The following GDAP1 variants were observed in gnomAD, a reference collection of about 807,000 sequenced individuals.
The protein encoded by GDAP1 is ganglioside induced differentiation associated protein 1.
In GDAP1, 34 loss-of-function variants were observed where a neutral mutation model predicts 40.1. The observed-to-expected ratio is 0.85, with a 90% CI of 0.64 to 1.13. GDAP1 has a LOEUF of 1.13. Among genes scored for constraint, GDAP1 ranks in the 50% most tolerant of loss-of-function variants. The probability of loss-of-function intolerance (pLI) is 0.00; values close to 1 mark genes in which losing one functional copy is unlikely to be tolerated. For missense variants in GDAP1, 374 were observed against 433.7 expected, an observed-to-expected ratio of 0.86 and a Z score of 1.22; for synonymous variants, 170 against 157.4, an observed-to-expected ratio of 1.08 and a Z score of -0.60.
chr8:74,360,006 G>T, intron 2 of GDAP1, 131 bp from the exon 3 acceptor site: 1 of 721,928 alleles, frequency 1.4e-6, no homozygotes, highest in African/African-American at 1.7e-5. Context: ...CTGAGGTGAG[G>T]AGACAGTGTT....
chr8:74,416,922 G>GTTT (rs1379292544), intron 2 of GDAP1, among the ~76,000 whole-genome samples: 2 of 102,148 alleles, frequency 2.0e-5, no homozygotes, highest in South Asian at 4.2e-4. Flanking sequence ...TTGTTTTTTT[G>GTTT]TTTTTTGTTT....
intron 2 of GDAP1, among the ~76,000 whole-genome samples, chr8:74,411,170 C>G (rs1442948990): frequency 6.7e-6 from 1 of 150,122 alleles, no homozygotes; most frequent in Non-Finnish European, 1.5e-5. Context: ...GCCTCCCCAG[C>G]CATGCCGAAC....
rs190869888 is a variant in GDAP1, at chr8:74,399,197, T to C, written c.165+47876T>C. Among the ~76,000 whole-genome samples, 970 of 150,820 alleles carry C rather than the reference T, an allele frequency of 6.4e-3. 10 individuals are homozygous for C. Among genetic ancestry groups the C allele is most frequent in the Non-Finnish European group, 7.3e-3 (496 of 68,038 alleles). On this transcript the variant is annotated intron_variant, in intron 2 of 2. Coordinates refer to the GDAP1 transcript ENST00000523640. ...CTGGTCCTGGACTCTTTTTGGTTGG[T>C]AAGCTATTGATTATTCCCACAATTT...
At chr8:74,387,407 T>C (rs1414283046) in intron 2 of GDAP1, among the ~76,000 whole-genome samples, 1 of 152,232 alleles carries the variant, frequency 6.6e-6, no homozygotes, top group Non-Finnish European at 1.5e-5. Context: ...TTGAATTTTA[T>C]CGAAGGCCTT....
intron 2 of GDAP1, among the ~76,000 whole-genome samples, chr8:74,391,515 G>C (rs753757347): frequency 6.6e-5 from 10 of 151,644 alleles, no homozygotes; most frequent in Non-Finnish European, 1.2e-4. Context: ...TGCACCCACT[G>C]TCTAACCTTT....
intron 2 of GDAP1, among the ~76,000 whole-genome samples, chr8:74,400,289 C>T (rs1810301657): frequency 6.7e-6 from 1 of 149,962 alleles, no homozygotes; most frequent in South Asian, 2.1e-4. Flanking sequence ...GAATTGATCC[C>T]TTTACCGTTA....
intron 2 of GDAP1, among the ~76,000 whole-genome samples, chr8:74,358,133 G>A (rs934862814): frequency 3.3e-5 from 5 of 152,324 alleles, no homozygotes; most frequent in Non-Finnish European, 7.3e-5. Flanking sequence ...TGGTTAGACA[G>A]TAACGGCACA....
intron 2 of GDAP1, among the ~76,000 whole-genome samples, chr8:74,488,199 C>G (rs1055941929): frequency 1.3e-5 from 2 of 152,152 alleles, no homozygotes; most frequent in Non-Finnish European, 1.5e-5. Context: ...ATTCATTCCT[C>G]TACTTTGATC....
intron 2 of GDAP1, among the ~76,000 whole-genome samples, chr8:74,415,327 A>G (rs1805764468): frequency 6.7e-6 from 1 of 150,324 alleles, no homozygotes; most frequent in Non-Finnish European, 1.5e-5. Flanking sequence ...TTATTTCAAA[A>G]TAATAGAAGA....
chr8:74,450,232 T>C (rs1806280332), intron 2 of GDAP1, among the ~76,000 whole-genome samples: 1 of 151,866 alleles, frequency 6.6e-6, no homozygotes, highest in African/African-American at 2.4e-5. Context: ...GGGCATTTAT[T>C]AAGATGTATT....
At chr8:74,436,122 C>T (rs925889404) in intron 2 of GDAP1, among the ~76,000 whole-genome samples, 1 of 152,148 alleles carries the variant, frequency 6.6e-6, no homozygotes, top group African/African-American at 2.4e-5. Flanking sequence ...TTTGGGGTTG[C>T]CTGTTTGCTC....
At chr8:74,485,871 CCA>C (rs1458606039) in intron 2 of GDAP1, among the ~76,000 whole-genome samples, 2 of 151,998 alleles carry the variant, frequency 1.3e-5, no homozygotes, top group Non-Finnish European at 2.9e-5. Flanking sequence ...GTTGTGGTGT[CCA>C]GAGCCCAAGA....
chr8:74,407,746 A>G (rs545262234), intron 2 of GDAP1, among the ~76,000 whole-genome samples: 1 of 150,136 alleles, frequency 6.7e-6, no homozygotes, highest in East Asian at 1.9e-4. Context: ...AATGAAAGAA[A>G]TTGTGGTTCT....
intron 2 of GDAP1, among the ~76,000 whole-genome samples, chr8:74,437,309 T>G (rs1258415570): frequency 6.6e-6 from 1 of 152,212 alleles, no homozygotes; most frequent in Non-Finnish European, 1.5e-5. Context: ...TTAAGTGACT[T>G]GCTTGTTGAA....
chr8:74,368,478 G>A (rs184471868), downstream of GDAP1, among the ~76,000 whole-genome samples: 203 of 152,274 alleles, frequency 1.3e-3, no homozygotes, highest in Middle Eastern at 3.4e-3. Flanking sequence ...TAAATAATTA[G>A]CACTAAAAGC....
intron 2 of GDAP1, among the ~76,000 whole-genome samples, chr8:74,484,194 A>T (rs771839415): frequency 1.4e-4 from 21 of 152,180 alleles, no homozygotes; most frequent in African/African-American, 4.6e-4. Flanking sequence ...TTATATTATA[A>T]AATTATACCA....
At chr8:74,441,632 A>T (rs1806163710) in intron 2 of GDAP1, among the ~76,000 whole-genome samples, 1 of 152,208 alleles carries the variant, frequency 6.6e-6, no homozygotes. Flanking sequence ...CCATTGAATT[A>T]GCAAAGTCCT....
At chr8:74,382,375 G>GTTTT (rs1586816379) in intron 2 of GDAP1, among the ~76,000 whole-genome samples, 16 of 50,060 alleles carry the variant, frequency 3.2e-4, no homozygotes, top group East Asian at 1.3e-3. Context: ...CATTGCTAGT[G>GTTTT]GTTTTTTTTT....
At chr8:74,409,138 T>C (rs1447221979) in intron 2 of GDAP1, among the ~76,000 whole-genome samples, 1 of 150,108 alleles carries the variant, frequency 6.7e-6, no homozygotes, top group Non-Finnish European at 1.5e-5. Context: ...AAAACTTTTA[T>C]AGAAGCCCCA....
Sources: allele counts gnomAD v4.1 joint callset (sites outside exome capture counted in the v4.1 genomes callset), GRCh38; gene constraint gnomAD v4.1.1; transcripts MANE v1.5; gene names NCBI Gene and HGNC (gene_info 2026-07-23, HGNC 2026-07-21).